RPL38: variants seen among roughly 807,000 people sequenced by gnomAD.
RPL38 encodes the protein ribosomal protein L38.
Under a neutral mutation model 12.8 loss-of-function variants are expected in RPL38, and 2 were observed. The observed-to-expected ratio is 0.16, with a 90% CI of 0.06 to 0.49. The LOEUF (loss-of-function observed/expected upper bound fraction) is 0.49, where lower values mean the gene tolerates loss of function less well. RPL38 is among the 20% of genes least tolerant of loss of function. The pLI, the probability that RPL38 is intolerant of heterozygous loss-of-function variation, is 0.96. For missense variants in RPL38, 52 were observed against 79.8 expected (o/e 0.65, Z 1.33); for synonymous variants, 42 against 30.1 (o/e 1.39, Z -1.29).
intron 3 of RPL38, 35 bp downstream of exon 3, chr17:74,204,225 T>G (rs1375745612): frequency 1.2e-6 from 2 of 1,600,356 alleles, no homozygotes; most frequent in Admixed American, 1.7e-5. Flanking sequence ...AGAAGAGCGG[T>G]GCCTAGCCTG....
At position 74,209,951 on chromosome 17, in the gene RPL38, G is replaced by C; in HGVS notation, c.*122G>C. 1.4e-6 allele frequency: 1 copy of C among 722,610 alleles called. No homozygotes were observed. Among genetic ancestry groups the C allele is most frequent in the Non-Finnish European group, 2.4e-6 (1 of 418,448 alleles). The allele number at this position is 722,610 out of a possible 1,614,324, so 44.8% of individuals were successfully genotyped here. A position where few individuals can be genotyped will look rare whatever the true frequency, so the allele number is the denominator to read the frequency against. ...TAGTGGCTTCTGATGGGAACAGGACGCGGGTTCTGTTGCTGCCTTCCTGTG... is the reference window on the plus strand; with the variant it reads ...TAGTGGCTTCTGATGGGAACAGGACCCGGGTTCTGTTGCTGCCTTCCTGTG... On this transcript the variant is annotated 3_prime_UTR_variant, in exon 5 of 5. Coordinates refer to ENST00000311111, the MANE Select transcript of RPL38 (RefSeq NM_000999.4).
rs982437380 is a variant in RPL38, at chr17:74,210,075, C to T, written c.*246C>T. ...CGATATCAGCTCACTACCACCTCCG[C>T]CTCCTGGGTTCAAGCGACTGTCCTG... On this transcript the variant is annotated 3_prime_UTR_variant, in exon 5 of 5. Coordinates refer to ENST00000311111, the MANE Select transcript of RPL38 (RefSeq NM_000999.4). 1.2e-4 allele frequency: 52 copies of T among 417,790 alleles called. No individual in the cohort carries two copies. The East Asian group carries it at 1.8e-3, about 15-fold the overall frequency. The allele number at this position is 417,790 out of a possible 1,614,324, so 25.9% of individuals were successfully genotyped here.
intron 3 of RPL38, 39 bp from the exon 4 acceptor site, chr17:74,209,148 C>T (rs766720510): frequency 6.2e-7 from 1 of 1,609,002 alleles, no homozygotes; most frequent in South Asian, 1.1e-5. Context: ...CATCTGTTTT[C>T]TGTGATACAA....
At chr17:74,204,006 C>T in intron 2 of RPL38, 48 bp downstream of exon 2, 1 of 1,612,702 alleles carries the variant, frequency 6.2e-7, no homozygotes, top group Non-Finnish European at 8.5e-7. Flanking sequence ...GCTCGTGGGG[C>T]CCCGGGGCGA....
chr17:74,206,859 C>T (rs905704615), intron 3 of RPL38, among the ~76,000 whole-genome samples: 1 of 151,312 alleles, frequency 6.6e-6, no homozygotes, highest in African/African-American at 2.4e-5. Context: ...ACTACAGGCG[C>T]CTGTCACCAT....
chr17:74,205,126 C>T (rs1039577268), intron 3 of RPL38: 1 of 152,240 alleles, frequency 6.6e-6, no homozygotes, highest in Admixed American at 6.5e-5. Context: ...AATGAAAAAC[C>T]TTAAACAGCA....
chr17:74,209,554 G>A (rs764480011), intron 4 of RPL38: 13 of 631,192 alleles, frequency 2.1e-5, no homozygotes, highest in African/African-American at 3.7e-5. Flanking sequence ...GACCCTTCGA[G>A]GTTGGTGCTA....
Position 74,209,911 on chromosome 17 carries a change from A to T in RPL38, c.*82A>T. ...TTTCGTCTTTGCGGATGGGAAAGGG[A>T]AAAATGCTACCTCGTAGTGGCTTCT... On this transcript the variant is annotated 3_prime_UTR_variant, in exon 5 of 5. Coordinates refer to ENST00000311111, the MANE Select transcript of RPL38 (RefSeq NM_000999.4). 1 of 1,197,420 alleles carries T rather than the reference A, an allele frequency of 8.4e-7. No homozygotes were observed. The highest frequency in any genetic ancestry group is 1.2e-5 in the South Asian group (1 of 81,548). 74.2% of individuals were successfully genotyped at this position (1,197,420 alleles called of 1,614,324 possible). A position where few individuals can be genotyped will look rare whatever the true frequency, so the allele number is the denominator to read the frequency against.
intron 4 of RPL38, 25 bp from the exon 5 acceptor site, chr17:74,209,779 C>A (rs778051284): frequency 1.2e-6 from 2 of 1,610,378 alleles, no homozygotes; most frequent in African/African-American, 1.3e-5. Context: ...TTCTGGATGG[C>A]TTACTTTTGT....
At chr17:74,208,489 A>T (rs1453575771) in intron 3 of RPL38, among the ~76,000 whole-genome samples, 1 of 152,194 alleles carries the variant, frequency 6.6e-6, no homozygotes, top group Admixed American at 6.5e-5. Flanking sequence ...TGTTGTGCGC[A>T]GTGGCTGGAG....
Position 74,204,197 on chromosome 17 carries a change from G to A in RPL38, c.64+7G>A. On this transcript the variant is annotated splice_region_variant and intron_variant, in intron 3 of 4. Coordinates refer to ENST00000311111, the MANE Select transcript of RPL38 (RefSeq NM_000999.4). ...CGACGAAAGGATGCCAAATGTAAGTGGTTGCTCCGAAGGTTCAAGAAGAGC... is the reference window on the plus strand; with the variant it reads ...CGACGAAAGGATGCCAAATGTAAGTAGTTGCTCCGAAGGTTCAAGAAGAGC... 1 of 1,613,990 alleles carries A rather than the reference G, an allele frequency of 6.2e-7. No homozygotes were observed. Among genetic ancestry groups the A allele is most frequent in the East Asian group, 2.2e-5 (1 of 44,866 alleles).
chr17:74,206,839 A>G (rs1231467812), intron 3 of RPL38, among the ~76,000 whole-genome samples: 2 of 147,588 alleles, frequency 1.4e-5, no homozygotes, highest in Admixed American at 1.4e-4. Context: ...CAGCCTCCCA[A>G]GTAGCTGGGA....
In RPL38 at chr17:74,204,183, T is replaced by C. The variant is rs145302084; in HGVS notation, c.57T>C (p.Asp19=). The change falls in exon 3 of 5, where the codon GAT becomes GAC. Residue 19 remains aspartate, a synonymous_variant. Transcript: ENST00000311111. ...KDFLLTARRK[D]AKSVKIKKNK... ...TCCTGCTCACAGCCCGACGAAAGGA[T>C]GCCAAATGTAAGTGGTTGCTCCGAA... 5.5e-5 allele frequency: 88 copies of C among 1,614,112 alleles called. No individual in the cohort carries two copies. In the African/African-American group the frequency reaches 9.3e-4, roughly 17 times the overall value.
intron 2 of RPL38, 84 bp downstream of exon 2, chr17:74,204,042 C>T (rs756435234): frequency 2.4e-5 from 39 of 1,611,756 alleles, no homozygotes; most frequent in Admixed American, 1.5e-4. Flanking sequence ...CCAAGGATCT[C>T]CTGAGGCCGG....
chr17:74,208,361 A>T (rs1370480353), intron 3 of RPL38, among the ~76,000 whole-genome samples: 1 of 152,150 alleles, frequency 6.6e-6, no homozygotes, highest in Non-Finnish European at 1.5e-5. Flanking sequence ...CACACAGCTG[A>T]ATTTGAGGTA....
chr17:74,209,089 T>C (rs2050141464), intron 3 of RPL38, 98 bp from the exon 4 acceptor site: 1 of 1,316,354 alleles, frequency 7.6e-7, no homozygotes, highest in South Asian at 1.3e-5. Flanking sequence ...GGGTGCTGTC[T>C]CCTGCATGCT....
rs1327756763 is a variant in RPL38, at chr17:74,209,889, C to T, written c.*60C>T. On this transcript the variant is annotated 3_prime_UTR_variant, in exon 5 of 5. Coordinates refer to ENST00000311111, the MANE Select transcript of RPL38 (RefSeq NM_000999.4). ...AATACTAAAAATCCTAAGTGTCTTT[C>T]GTCTTTGCGGATGGGAAAGGGAAAA... The T allele has an allele frequency of 7.6e-6, 11 of 1,451,260 alleles. No homozygotes were observed. Among genetic ancestry groups the T allele is most frequent in the Admixed American group, 5.1e-5 (3 of 59,218 alleles). The allele number at this position is 1,451,260 out of a possible 1,614,324, so 89.9% of individuals were successfully genotyped here.
In RPL38 at chr17:74,203,820, G is replaced by A. The variant is rs1474407179; in HGVS notation, c.-39+75G>A. On this transcript the variant is annotated intron_variant, in intron 1 of 4. Coordinates refer to ENST00000311111, the MANE Select transcript of RPL38 (RefSeq NM_000999.4). ...GCGTGGAGGGTGTCGGGGAGGAGAA[G>A]GGGAGTGCGATGGGGCCGATATTTC... The A allele has an allele frequency of 3.6e-6, 4 of 1,121,982 alleles. No homozygotes were observed. The East Asian group carries it at 1.0e-4, about 29-fold the overall frequency. The allele number at this position is 1,121,982 out of a possible 1,614,324, so 69.5% of individuals were successfully genotyped here.
Position 74,209,976 on chromosome 17 carries a change from G to GTAT in RPL38, c.*148_*149insATT. On this transcript the variant is annotated 3_prime_UTR_variant, in exon 5 of 5. Transcript: ENST00000311111. Reference sequence around the variant, plus strand: ...GCGGGTTCTGTTGCTGCCTTCCTGTGTCTTTTTTTTTTTTTTTTTTTCTTT... The same window carrying GTAT: ...GCGGGTTCTGTTGCTGCCTTCCTGTGTATTCTTTTTTTTTTTTTTTTTTTCTTT... 4.8e-6 allele frequency: 2 copies of GTAT among 414,250 alleles called. No individual in the cohort carries two copies. The highest frequency in any genetic ancestry group is 4.2e-6 in the Non-Finnish European group (1 of 239,834). The allele number at this position is 414,250 out of a possible 1,614,324, so 25.7% of individuals were successfully genotyped here.
Sources: gnomAD v4.1 joint callset for allele counts (sites outside exome capture counted in the v4.1 genomes callset) on GRCh38, gnomAD v4.1.1 for gene constraint, MANE v1.5 for transcripts, NCBI Gene and HGNC (gene_info 2026-07-23, HGNC 2026-07-21) for gene names.